LRRC37A2: variants seen among roughly 807,000 people sequenced by gnomAD.
The protein encoded by LRRC37A2 is leucine rich repeat containing 37 member A2.
Under a neutral mutation model 68.8 loss-of-function variants are expected in LRRC37A2, and 9 were observed. That is an observed-to-expected ratio of 0.13 (90% CI 0.08 to 0.23). LRRC37A2 has a LOEUF of 0.23. LRRC37A2 is among the 10% of genes least tolerant of loss of function. The probability of loss-of-function intolerance (pLI) is 1.00; values close to 1 mark genes in which losing one functional copy is unlikely to be tolerated. For synonymous variants in LRRC37A2, 63 were observed against 367.6 expected, an observed-to-expected ratio of 0.17 and a Z score of 9.48; for missense variants, 168 against 950.4, an observed-to-expected ratio of 0.18 and a Z score of 10.82.
chr17:46,849,849 C>CTTTTTTTTTTTTT, the LRRC37A2 span, among the ~76,000 whole-genome samples: 1 of 145,750 alleles, frequency 6.9e-6, no homozygotes, highest in Non-Finnish European at 1.5e-5. Flanking sequence ...CATTTAATAT[C>CTTTTTTTTTTTTT]TTTTTTTTTT....
At chr17:46,995,616 T>G in the LRRC37A2 span, among the ~76,000 whole-genome samples, 1 of 152,132 alleles carries the variant, frequency 6.6e-6, no homozygotes, top group Non-Finnish European at 1.5e-5. Flanking sequence ...TATTGTACCA[T>G]GGGGTAGAAG....
the LRRC37A2 span, among the ~76,000 whole-genome samples, chr17:46,887,815 C>T: frequency 6.6e-6 from 1 of 152,096 alleles, no homozygotes; most frequent in Admixed American, 6.6e-5. Context: ...ATAGATAACA[C>T]ATGTAGCACT....
the LRRC37A2 span, among the ~76,000 whole-genome samples, chr17:46,744,233 T>C: frequency 6.6e-6 from 1 of 152,254 alleles, no homozygotes; most frequent in African/African-American, 2.4e-5. Context: ...ATTAAGTACC[T>C]AAAAGGAGTA....
the LRRC37A2 span, among the ~76,000 whole-genome samples, chr17:46,642,547 AGTC>A: frequency 3.2e-5 from 4 of 125,474 alleles, no homozygotes; most frequent in Non-Finnish European, 4.7e-5. Context: ...TAATCATTGA[AGTC>A]TTTAGGATGA....
the LRRC37A2 span, among the ~76,000 whole-genome samples, chr17:47,030,155 C>T: frequency 2.9e-5 from 4 of 138,750 alleles, no homozygotes; most frequent in South Asian, 9.2e-4. Context: ...AGCTTCACTA[C>T]AATTATGTAG....
At chr17:46,707,420 G>A in the LRRC37A2 span, among the ~76,000 whole-genome samples, 1 of 152,036 alleles carries the variant, frequency 6.6e-6, no homozygotes, top group Non-Finnish European at 1.5e-5. Context: ...ATTTTCAAAT[G>A]TATAGTTCAG....
the LRRC37A2 span, among the ~76,000 whole-genome samples, chr17:46,916,362 T>G: frequency 1.3e-5 from 2 of 152,068 alleles, no homozygotes; most frequent in Non-Finnish European, 2.9e-5. Flanking sequence ...GCCTATCCAC[T>G]CCCTCCCCTG....
At chr17:46,774,913 C>T in the LRRC37A2 span, among the ~76,000 whole-genome samples, 1 of 152,156 alleles carries the variant, frequency 6.6e-6, no homozygotes, top group Admixed American at 6.5e-5. Flanking sequence ...GCTGTATGAC[C>T]AGGGGCAGTG....
chr17:46,950,622 C>A, the LRRC37A2 span, among the ~76,000 whole-genome samples: 1 of 152,110 alleles, frequency 6.6e-6, no homozygotes, highest in Non-Finnish European at 1.5e-5. Context: ...GTGAACTTAG[C>A]GGGGGAGATG....
At chr17:46,901,314 A>G in the LRRC37A2 span, among the ~76,000 whole-genome samples, 1 of 152,108 alleles carries the variant, frequency 6.6e-6, no homozygotes, top group Non-Finnish European at 1.5e-5. Flanking sequence ...GACTTGCACC[A>G]TCATGCCCGG....
At chr17:46,945,183 C>G in the LRRC37A2 span, among the ~76,000 whole-genome samples, 4 of 152,134 alleles carry the variant, frequency 2.6e-5, no homozygotes, top group Non-Finnish European at 5.9e-5. Flanking sequence ...AGGGAGGAAG[C>G]TCTAACCAGC....
At chr17:46,943,548 T>C in the LRRC37A2 span, among the ~76,000 whole-genome samples, 5 of 152,348 alleles carry the variant, frequency 3.3e-5, no homozygotes, top group South Asian at 8.3e-4. Flanking sequence ...AACCTCATAC[T>C]GCACGCTTCC....
At chr17:46,621,394 C>T in the LRRC37A2 span, among the ~76,000 whole-genome samples, 1 of 129,534 alleles carries the variant, frequency 7.7e-6, no homozygotes, top group Admixed American at 8.0e-5. Flanking sequence ...TCACGCCTTT[C>T]TCCTGCCTCA....
At chr17:46,755,902 C>G in the LRRC37A2 span, 5 of 1,412,130 alleles carry the variant, frequency 3.5e-6, no homozygotes, top group Non-Finnish European at 4.0e-6. Context: ...CTGTCTTACT[C>G]AAGATACTGG....
At chr17:47,000,012 A>AT in the LRRC37A2 span, among the ~76,000 whole-genome samples, 2 of 16,344 alleles carry the variant, frequency 1.2e-4, no homozygotes, top group African/African-American at 1.0e-4. Context: ...ATAAAATAAA[A>AT]TAAAATAAAA....
the LRRC37A2 span, chr17:47,010,591 A>G: frequency 6.6e-6 from 1 of 152,274 alleles, no homozygotes; most frequent in Non-Finnish European, 1.5e-5. Context: ...GGGTTCCAGA[A>G]GGCTGGGGTG....
At chr17:46,839,928 C>CT in the LRRC37A2 span, among the ~76,000 whole-genome samples, 1 of 125,750 alleles carries the variant, frequency 8.0e-6, no homozygotes, top group Non-Finnish European at 1.8e-5. Flanking sequence ...TTCTTTCTTT[C>CT]TTTCTTTCTT....
the LRRC37A2 span, chr17:46,874,957 T>C: frequency 7.5e-7 from 1 of 1,326,542 alleles, no homozygotes; most frequent in Non-Finnish European, 1.1e-6. Flanking sequence ...AGCTGTGTCC[T>C]CAAGCCACAT....
At chr17:46,955,908 A>G in the LRRC37A2 span, among the ~76,000 whole-genome samples, 7 of 152,300 alleles carry the variant, frequency 4.6e-5, no homozygotes, top group Middle Eastern at 6.8e-3. Context: ...CTGTGTCTCC[A>G]TCAGACTAGC....
Sources: gnomAD v4.1 joint callset for allele counts (sites outside exome capture counted in the v4.1 genomes callset) on GRCh38, gnomAD v4.1.1 for gene constraint, MANE v1.5 for transcripts, NCBI Gene and HGNC (gene_info 2026-07-23, HGNC 2026-07-21) for gene names.